Variants in ZNRF3 observed in about 807,000 individuals in gnomAD.
ZNRF3 encodes the protein E3 ubiquitin-protein ligase ZNRF3.
ZNRF3 carries 23 observed loss-of-function variants against 72.5 expected under a neutral mutation model. The observed-to-expected ratio is 0.32, with a 90% confidence interval of 0.23 to 0.45. ZNRF3 has a LOEUF of 0.45. ZNRF3 is among the 20% of genes least tolerant of loss of function. The pLI is 1.00. For synonymous variants in ZNRF3, 610 were observed against 545.3 expected, an observed-to-expected ratio of 1.12 and a Z score of -1.65; for missense variants, 1,169 against 1,272.1, an observed-to-expected ratio of 0.92 and a Z score of 1.23.
intron 1 of ZNRF3, among the ~76,000 whole-genome samples, chr22:28,913,687 C>T (rs1293697992): frequency 6.6e-6 from 1 of 152,168 alleles, no homozygotes; most frequent in Non-Finnish European, 1.5e-5. Flanking sequence ...AGAAACAGTG[C>T]TTCTCTTTGA....
intron 8 of ZNRF3, among the ~76,000 whole-genome samples, chr22:29,051,966 T>C (rs1265029711): frequency 6.6e-6 from 1 of 151,360 alleles, no homozygotes; most frequent in Non-Finnish European, 1.5e-5. Context: ...TCAACCCGCC[T>C]GTGAAGGACC....
At chr22:28,988,170 C>G (rs896614997) in intron 2 of ZNRF3, among the ~76,000 whole-genome samples, 1 of 152,098 alleles carries the variant, frequency 6.6e-6, no homozygotes, top group African/African-American at 2.4e-5. Flanking sequence ...TGAATTTTGG[C>G]TGGGAGAAAG....
intron 1 of ZNRF3, among the ~76,000 whole-genome samples, chr22:28,933,914 T>A (rs187218203): frequency 1.3e-5 from 2 of 151,870 alleles, no homozygotes; most frequent in East Asian, 1.9e-4. Context: ...TCGGTGGAGA[T>A]GGAATGATGG....
intron 2 of ZNRF3, among the ~76,000 whole-genome samples, chr22:28,988,002 T>G (rs1205701273): frequency 2.6e-5 from 4 of 152,136 alleles, no homozygotes; most frequent in Admixed American, 2.0e-4. Context: ...GCCAAGAGGG[T>G]CAGCATTACT....
chr22:28,917,889 G>A (rs1019576516), intron 1 of ZNRF3, among the ~76,000 whole-genome samples: 2 of 152,170 alleles, frequency 1.3e-5, no homozygotes, highest in Admixed American at 6.5e-5. Context: ...TTGGGGACAG[G>A]TTTTGTGGTG....
intron 2 of ZNRF3, among the ~76,000 whole-genome samples, chr22:29,021,118 C>T (rs1271273906): frequency 1.3e-5 from 2 of 151,840 alleles, no homozygotes; most frequent in South Asian, 2.1e-4. Flanking sequence ...ACTGTAATCC[C>T]GGCTACTCAG....
intron 1 of ZNRF3, among the ~76,000 whole-genome samples, chr22:28,895,462 G>A (rs577203763): frequency 6.6e-5 from 10 of 152,192 alleles, no homozygotes; most frequent in South Asian, 2.1e-4. Flanking sequence ...GGTGGATCAC[G>A]AGGTCAGGAG....
Position 29,042,526 on chromosome 22 carries a change from C to A in ZNRF3, c.458C>A (p.Ala153Glu). ...CGAGCAGTACAGCGGGGAGCTACTG[C>A]AGTCATCTTTGATGTGTCTGAAAAC... ...AKRAVQRGAT[A>E]VIFDVSENPE... is the part of the protein sequence containing the mutation. Residue 153 changes from alanine to glutamate, a missense_variant, in exon 3 of 9, where the codon GCA (alanine) becomes GAA (glutamate). Physicochemically the swap from Ala to Glu is moderately radical, Grantham distance 107 (BLOSUM62 -1). This residue lies in a region of ZNRF3 where 386 missense variants were observed against 540.7 expected (regional missense o/e 0.71). Transcript: ENST00000544604. 1 of 1,613,828 alleles carries A rather than the reference C, an allele frequency of 6.2e-7. No homozygotes were observed. Among genetic ancestry groups the A allele is most frequent in the Non-Finnish European group, 8.5e-7 (1 of 1,180,028 alleles).
At chr22:29,012,895 C>G (rs536193368) in intron 2 of ZNRF3, among the ~76,000 whole-genome samples, 1 of 152,298 alleles carries the variant, frequency 6.6e-6, no homozygotes, top group African/African-American at 2.4e-5. Context: ...CATTGAGACT[C>G]AGGGGAAGGG....
chr22:28,924,123 C>CT (rs2034558911), intron 1 of ZNRF3, among the ~76,000 whole-genome samples: 1 of 152,202 alleles, frequency 6.6e-6, no homozygotes. Context: ...GAGACAGGTT[C>CT]TTTTTTTAAA....
intron 1 of ZNRF3, chr22:28,917,379 A>G (rs2034427575): frequency 2.0e-6 from 2 of 984,678 alleles, no homozygotes; most frequent in African/African-American, 3.5e-5. Flanking sequence ...CTGTGTTGTC[A>G]GCCATCTGTG....
chr22:28,968,860 C>G (rs1304045362), intron 1 of ZNRF3, among the ~76,000 whole-genome samples: 2 of 152,102 alleles, frequency 1.3e-5, no homozygotes, highest in African/African-American at 4.8e-5. Context: ...AGTCAGAGTT[C>G]GTTTGGAGGA....
At chr22:29,044,315 A>G (rs548959581) in intron 4 of ZNRF3, among the ~76,000 whole-genome samples, 1 of 152,310 alleles carries the variant, frequency 6.6e-6, no homozygotes, top group African/African-American at 2.4e-5. Flanking sequence ...GCTTTGGTAA[A>G]TATGACTCAT....
chr22:28,948,954 A>G (rs1401015781), intron 1 of ZNRF3, among the ~76,000 whole-genome samples: 1 of 152,202 alleles, frequency 6.6e-6, no homozygotes, highest in Non-Finnish European at 1.5e-5. Flanking sequence ...TTCATTATAC[A>G]GTACTTAAAA....
chr22:28,892,486 C>T (rs74479486), intron 1 of ZNRF3, among the ~76,000 whole-genome samples: 1,701 of 152,278 alleles, frequency 0.011, 15 homozygotes, highest in South Asian at 0.024. Context: ...AAGCTGATAA[C>T]CTCTTTGAAG....
intron 1 of ZNRF3, among the ~76,000 whole-genome samples, chr22:28,899,198 A>C (rs1008940620): frequency 2.6e-5 from 4 of 152,194 alleles, no homozygotes; most frequent in African/African-American, 9.6e-5. Flanking sequence ...ACATATAAAC[A>C]CACTTGTGGT....
At chr22:28,889,943 C>T (rs1410956549) in intron 1 of ZNRF3, among the ~76,000 whole-genome samples, 1 of 152,160 alleles carries the variant, frequency 6.6e-6, no homozygotes, top group Admixed American at 6.5e-5. Context: ...ATTTCTGGAT[C>T]GACCCCCTGG....
rs1454376053 is a variant in ZNRF3, at chr22:29,006,758, T to C, written c.426+19557T>C. Among the ~76,000 whole-genome samples the C allele has an allele frequency of 2.0e-5, 3 of 152,252 alleles. No homozygotes were observed. In the East Asian group the frequency reaches 5.8e-4, roughly 29 times the overall value. On this transcript the variant is annotated intron_variant, in intron 2 of 8. Coordinates refer to ENST00000544604, the MANE Select transcript of ZNRF3 (RefSeq NM_001206998.2). ...AATTTCTACTTGTAACTCATGATTC[T>C]GGAAAAGGTTTCTAAAACTTGCAGA... is the stretch of plus-strand genomic sequence containing the variant.
intron 1 of ZNRF3, among the ~76,000 whole-genome samples, chr22:28,933,748 A>ACTCT (rs1325105629): frequency 2.8e-3 from 16 of 5,734 alleles, no homozygotes; most frequent in East Asian, 0.077. Flanking sequence ...ACACACACAC[A>ACTCT]CTCACTCTCT....
Sources: allele counts gnomAD v4.1 joint callset (sites outside exome capture counted in the v4.1 genomes callset), GRCh38; gene constraint gnomAD v4.1.1; regional missense constraint gnomAD v4.1.1; transcripts MANE v1.5; gene names NCBI Gene and HGNC (gene_info 2026-07-23, HGNC 2026-07-21).